The following COG5 variants were observed in gnomAD, a reference collection of about 807,000 sequenced individuals.
COG5 encodes the protein conserved oligomeric Golgi complex subunit 5.
COG5 carries 86 observed loss-of-function variants against 110.4 expected under a neutral mutation model. The ratio of observed to expected loss-of-function variants is 0.78; its 90% CI spans 0.65 to 0.93. COG5 has a LOEUF of 0.93. Among genes scored for constraint, COG5 ranks in the 40% least tolerant of loss-of-function variants. The probability of loss-of-function intolerance (pLI) is 0.00; values close to 1 mark genes in which losing one functional copy is unlikely to be tolerated. For missense variants in COG5, 1,077 were observed against 987.0 expected, an observed-to-expected ratio of 1.09 and a Z score of -1.22; for synonymous variants, 360 against 334.6, an observed-to-expected ratio of 1.08 and a Z score of -0.83.
At chr7:107,495,544 A>G (rs1024552397) in intron 6 of COG5, among the ~76,000 whole-genome samples, 1 of 152,196 alleles carries the variant, frequency 6.6e-6, no homozygotes, top group African/African-American at 2.4e-5. Context: ...TTTATTTCAC[A>G]TGCAAATAAA....
At chr7:107,479,154 T>C (rs1026800090) in intron 6 of COG5, among the ~76,000 whole-genome samples, 1 of 152,090 alleles carries the variant, frequency 6.6e-6, no homozygotes, top group African/African-American at 2.4e-5. Flanking sequence ...TAATAGACTT[T>C]AGAAGAAAGG....
chr7:107,375,444 G>A (rs1156570828), intron 7 of COG5, among the ~76,000 whole-genome samples: 2 of 151,940 alleles, frequency 1.3e-5, no homozygotes, highest in African/African-American at 4.8e-5. Context: ...ATTTTACAAA[G>A]CCATTGCAGC....
At chr7:107,324,723 ATTC>A (rs1192791854) in intron 10 of COG5, among the ~76,000 whole-genome samples, 2 of 152,178 alleles carry the variant, frequency 1.3e-5, no homozygotes, top group Admixed American at 6.5e-5. Context: ...GTAGTCAGTC[ATTC>A]TTCTTCTCTG....
At chr7:107,296,126 C>G (rs564174623) in intron 12 of COG5, among the ~76,000 whole-genome samples, 1 of 148,858 alleles carries the variant, frequency 6.7e-6, no homozygotes, top group Admixed American at 6.6e-5. Flanking sequence ...GACCTACCTT[C>G]CTTCCTTCCT....
intron 10 of COG5, among the ~76,000 whole-genome samples, chr7:107,355,764 C>T (rs762793945): frequency 4.6e-5 from 7 of 152,100 alleles, no homozygotes; most frequent in Non-Finnish European, 1.0e-4. Context: ...TACAGAGGTT[C>T]AGAAGGGAAT....
chr7:107,223,998 GGTGCGCTTAGCACTGCCAAAGTT>G (rs1184188425), intron 19 of COG5, among the ~76,000 whole-genome samples: 10 of 152,284 alleles, frequency 6.6e-5, no homozygotes, highest in Middle Eastern at 3.4e-3. Context: ...TGTTTACCTG[GGTGCGCTTAGCACTGCCAAAGTT>G]GTAGCAAAGA....
chr7:107,201,693 G>A lies in COG5; in HGVS notation c.*1823C>T. 1 of 360,640 alleles carries A rather than the reference G, an allele frequency of 2.8e-6. No homozygotes were observed. The highest frequency in any genetic ancestry group is 5.0e-6 in the Non-Finnish European group (1 of 200,304). 22.3% of individuals were successfully genotyped at this position (360,640 alleles called of 1,614,324 possible). On this transcript the variant is annotated 3_prime_UTR_variant, in exon 22 of 22. Coordinates refer to ENST00000297135, the MANE Select transcript of COG5 (RefSeq NM_006348.5). The stretch of plus-strand genomic sequence containing the variant: ...CATATATGTCTATCAGGTAATAATA[G>A]GCTTGAAAATTGATATCCTGTGGTG...
At chr7:107,250,085 G>A (rs941261025) in intron 16 of COG5, among the ~76,000 whole-genome samples, 5 of 152,092 alleles carry the variant, frequency 3.3e-5, no homozygotes, top group African/African-American at 1.2e-4. Flanking sequence ...ACAAAATGTG[G>A]TTAATGATTT....
chr7:107,502,616 GT>G (rs1438695257), intron 6 of COG5, among the ~76,000 whole-genome samples: 1 of 152,072 alleles, frequency 6.6e-6, no homozygotes, highest in Non-Finnish European at 1.5e-5. Context: ...CATAAAGGTT[GT>G]ATTAATTTAC....
Position 107,362,419 on chromosome 7 carries a change from C to G in COG5, c.837G>C (p.Gly279=), listed in dbSNP as rs768178029. 7 of 1,606,094 alleles carry G rather than the reference C, an allele frequency of 4.4e-6. No individual in the cohort carries two copies. Among genetic ancestry groups the G allele is most frequent in the Non-Finnish European group, 3.4e-6 (4 of 1,173,014 alleles). Reference sequence around the variant, plus strand: ...TTGGCATGGTAGATCGTCCAGGTCCCCCTGGTTATGAGTGAGAAAGAACAA... The same window carrying G: ...TTGGCATGGTAGATCGTCCAGGTCCGCCTGGTTATGAGTGAGAAAGAACAA... ...LTQPSQSAVR[G]GPGRSTMPTP... is the part of the protein sequence containing the mutation. Residue 279 remains glycine (G), a splice_region_variant and synonymous_variant, in exon 9 of 22, where the codon GGG becomes GGC. Transcript: ENST00000297135.
At chr7:107,223,901 C>G (rs1800130329) in intron 19 of COG5, among the ~76,000 whole-genome samples, 1 of 152,182 alleles carries the variant, frequency 6.6e-6, no homozygotes, top group South Asian at 2.1e-4. Context: ...GTAAAACACT[C>G]AGCACAGGCT....
At chr7:107,338,144 GA>G (rs201667895) in intron 10 of COG5, among the ~76,000 whole-genome samples, 3 of 150,760 alleles carry the variant, frequency 2.0e-5, no homozygotes, top group Non-Finnish European at 4.4e-5. Context: ...GTAGAAATAA[GA>G]AAAAAAAATC....
chr7:107,204,007 G>A (rs188853071), intron 21 of COG5, among the ~76,000 whole-genome samples: 3 of 152,290 alleles, frequency 2.0e-5, no homozygotes, highest in Non-Finnish European at 4.4e-5. Flanking sequence ...GGCATCCTGC[G>A]CCTCTGAAAG....
intron 6 of COG5, among the ~76,000 whole-genome samples, chr7:107,444,991 C>T (rs768201307): frequency 6.6e-6 from 1 of 152,018 alleles, no homozygotes; most frequent in Non-Finnish European, 1.5e-5. Context: ...AGTTTGAGAC[C>T]ACCCTGGGCA....
chr7:107,563,502 C>T (rs938757087), intron 1 of COG5: 2 of 451,832 alleles, frequency 4.4e-6, no homozygotes, highest in Admixed American at 7.5e-5. Context: ...CAACGCGGTC[C>T]ACAGGGTTTG....
At chr7:107,399,576 C>G (rs1270192926) in intron 7 of COG5, among the ~76,000 whole-genome samples, 3 of 152,194 alleles carry the variant, frequency 2.0e-5, no homozygotes, top group East Asian at 3.9e-4. Flanking sequence ...TATACGTTTC[C>G]TGAGGCCTCC....
chr7:107,262,452 CAG>C (rs955169554), intron 14 of COG5, among the ~76,000 whole-genome samples: 10 of 152,160 alleles, frequency 6.6e-5, no homozygotes, highest in African/African-American at 2.4e-4. Flanking sequence ...CATTAGTTTT[CAG>C]AGAGCAAGCG....
At chr7:107,372,794 A>C in intron 7 of COG5, 34 bp from the exon 8 acceptor site, 1 of 1,606,506 alleles carries the variant, frequency 6.2e-7, no homozygotes, top group Non-Finnish European at 8.5e-7. Flanking sequence ...GGAAACAGAT[A>C]TAAATAGGAA....
intron 20 of COG5, 124 bp from the exon 21 acceptor site, chr7:107,210,729 G>A: frequency 1.8e-6 from 2 of 1,115,048 alleles, no homozygotes; most frequent in East Asian, 2.6e-5. Context: ...CCTGTCCAAG[G>A]GAAGTGTGAA....
Sources: allele counts gnomAD v4.1 joint callset (sites outside exome capture counted in the v4.1 genomes callset), GRCh38; gene constraint gnomAD v4.1.1; transcripts MANE v1.5; gene names NCBI Gene and HGNC (gene_info 2026-07-23, HGNC 2026-07-21).